Variants in PLSCR2 observed in about 807,000 individuals in gnomAD.
PLSCR2 encodes phospholipid scramblase 2, also known as PL scramblase 2.
Under a neutral mutation model 25.3 loss-of-function variants are expected in PLSCR2, and 18 were observed. The ratio of observed to expected loss-of-function variants is 0.71; its 90% CI spans 0.49 to 1.06. The LOEUF (loss-of-function observed/expected upper bound fraction) is 1.06. PLSCR2 is among the 50% of genes least tolerant of loss of function. The pLI, the probability that PLSCR2 is intolerant of heterozygous loss-of-function variation, is 0.00. For missense variants in PLSCR2, 243 were observed against 269.5 expected (o/e 0.90, Z 0.69); for synonymous variants, 88 against 87.3 (o/e 1.01, Z -0.04).
At chr3:146,478,818 G>C (rs1345271954) in intron 1 of PLSCR2, among the ~76,000 whole-genome samples, 1 of 152,112 alleles carries the variant, frequency 6.6e-6, no homozygotes, top group Admixed American at 6.6e-5. Flanking sequence ...TGAAATGAAG[G>C]AAAAAATGTT....
chr3:146,420,475 T>A (rs77115768), intron 2 of PLSCR2, among the ~76,000 whole-genome samples: 2,396 of 152,162 alleles, frequency 0.016, 46 homozygotes, highest in African/African-American at 0.044. Flanking sequence ...GTGTTTTTAA[T>A]GTTTGCTAAG....
chr3:146,459,976 G>A, exon 2 of PLSCR2: 1 of 1,613,914 alleles, frequency 6.2e-7, no homozygotes, highest in Non-Finnish European at 8.5e-7. Context: ...GGTGGGACTA[G>A]GTAGTCATGC....
intron 2 of PLSCR2, among the ~76,000 whole-genome samples, chr3:146,409,914 A>G (rs1241405876): frequency 1.3e-5 from 2 of 152,152 alleles, no homozygotes; most frequent in Non-Finnish European, 2.9e-5. Flanking sequence ...ACAACAGCTA[A>G]TACCACTTAC....
intron 2 of PLSCR2, among the ~76,000 whole-genome samples, chr3:146,420,328 C>G (rs2108071956): frequency 6.6e-6 from 1 of 152,096 alleles, no homozygotes; most frequent in Non-Finnish European, 1.5e-5. Context: ...GGTAAATACA[C>G]AAATATATAA....
At chr3:146,458,376 T>A (rs759184624) in intron 3 of PLSCR2, 35 bp downstream of exon 3, 6 of 1,463,754 alleles carry the variant, frequency 4.1e-6, no homozygotes, top group Admixed American at 2.3e-5. Context: ...ACTTCTTCTC[T>A]TTTTAGAACT....
intron 2 of PLSCR2, among the ~76,000 whole-genome samples, chr3:146,425,862 A>G (rs951780644): frequency 6.6e-6 from 1 of 152,134 alleles, no homozygotes; most frequent in Non-Finnish European, 1.5e-5. Context: ...TTTTTGTTAT[A>G]TAATGGCAGA....
chr3:146,442,216 T>C (rs550667380), intron 6 of PLSCR2, among the ~76,000 whole-genome samples: 3 of 152,168 alleles, frequency 2.0e-5, no homozygotes, highest in East Asian at 1.9e-4. Flanking sequence ...AACAATTCCA[T>C]TTACAGCAGC....
intron 3 of PLSCR2, among the ~76,000 whole-genome samples, 189 bp from the exon 4 acceptor site, chr3:146,455,648 G>A (rs1235638816): frequency 6.6e-6 from 1 of 152,128 alleles, no homozygotes; most frequent in African/African-American, 2.4e-5. Context: ...TTAATGCATG[G>A]AGAAATTGAT....
chr3:146,495,825 A>T (rs1404734692), intron 1 of PLSCR2: 2 of 1,183,286 alleles, frequency 1.7e-6, no homozygotes, highest in Non-Finnish European at 2.4e-6. Flanking sequence ...AACAAAAGGG[A>T]GTATGTAGTA....
intron 5 of PLSCR2, among the ~76,000 whole-genome samples, chr3:146,451,654 A>G (rs967897826): frequency 1.3e-5 from 2 of 152,192 alleles, no homozygotes; most frequent in African/African-American, 4.8e-5. Context: ...AGAAAAACCA[A>G]GCAATGCTTA....
chr3:146,440,230 A>G (rs961690374), downstream of PLSCR2, among the ~76,000 whole-genome samples: 1 of 152,170 alleles, frequency 6.6e-6, no homozygotes, highest in Non-Finnish European at 1.5e-5. Context: ...TCAGGGACCT[A>G]CTTGAGGAGG....
chr3:146,403,561 G>A lies in PLSCR2; in HGVS notation c.101-7640C>T, dbSNP rs892303926. ...GATTCCCAATATTTTTGCTGTTTTT[G>A]TGACTTCTTAAATTATGAGTTACTG... is the stretch of plus-strand genomic sequence containing the variant. On this transcript the variant is annotated intron_variant and NMD_transcript_variant, in intron 2 of 3. Coordinates refer to the PLSCR2 transcript ENST00000463633. Among the ~76,000 whole-genome samples the A allele has an allele frequency of 6.6e-5, 10 of 152,086 alleles. 1 individual carries two copies. Among genetic ancestry groups the A allele is most frequent in the African/African-American group, 2.4e-4 (10 of 41,408 alleles).
At chr3:146,441,900 T>G (rs1228712465) in intron 6 of PLSCR2, 79 bp from the exon 7 acceptor site, 13 of 850,764 alleles carry the variant, frequency 1.5e-5, no homozygotes, top group African/African-American at 6.9e-5. Context: ...AGGGATCTGA[T>G]GAAACACAGT....
intron 1 of PLSCR2, among the ~76,000 whole-genome samples, chr3:146,465,870 C>T (rs2041840631): frequency 6.6e-6 from 1 of 152,090 alleles, no homozygotes; most frequent in Non-Finnish European, 1.5e-5. Flanking sequence ...ATTTGGTTAC[C>T]ATCTAAGAAG....
intron 2 of PLSCR2, among the ~76,000 whole-genome samples, chr3:146,404,774 G>C (rs925866629): frequency 7.4e-6 from 1 of 134,828 alleles, no homozygotes; most frequent in Non-Finnish European, 1.6e-5. Flanking sequence ...AATAGGCATA[G>C]GACAAACATT....
At chr3:146,401,084 A>G (rs2038457382) in intron 2 of PLSCR2, among the ~76,000 whole-genome samples, 1 of 152,048 alleles carries the variant, frequency 6.6e-6, no homozygotes, top group Non-Finnish European at 1.5e-5. Context: ...GCCACTTTAC[A>G]ATAGGCAGAT....
At chr3:146,447,672 G>A (rs1576648628) in intron 6 of PLSCR2, among the ~76,000 whole-genome samples, 6 of 152,106 alleles carry the variant, frequency 3.9e-5, no homozygotes, top group Admixed American at 3.9e-4. Flanking sequence ...GGTGATGCAA[G>A]CACTCCTTGG....
In PLSCR2 at chr3:146,477,099, G is replaced by A. The variant is rs79892229; in HGVS notation, c.-292-16815C>T. Among the ~76,000 whole-genome samples, 578 of 152,348 alleles carry A rather than the reference G, an allele frequency of 3.8e-3. 5 individuals are homozygous for A. Among genetic ancestry groups the A allele is most frequent in the African/African-American group, 0.013 (521 of 41,574 alleles). ...AGGTCACCAGACACCTTATACCAGA[G>A]TGTTGCTGGAGTTCTGTTCCAAGAT... On this transcript the variant is annotated intron_variant, in intron 1 of 8. Coordinates refer to the PLSCR2 transcript ENST00000336685.
At chr3:146,436,078 G>A (rs961135531) in intron 8 of PLSCR2, among the ~76,000 whole-genome samples, 1 of 152,104 alleles carries the variant, frequency 6.6e-6, no homozygotes, top group African/African-American at 2.4e-5. Flanking sequence ...AGATCAGATG[G>A]TTGTACATGT....
Sources: allele counts gnomAD v4.1 joint callset (sites outside exome capture counted in the v4.1 genomes callset), GRCh38; gene constraint gnomAD v4.1.1; transcripts MANE v1.5; gene names NCBI Gene and HGNC (gene_info 2026-07-23, HGNC 2026-07-21).